Variants in PTGIR observed in about 807,000 individuals in gnomAD.
PTGIR encodes prostaglandin I2 receptor.
PTGIR carries 16 observed loss-of-function variants against 17.6 expected under a neutral mutation model. That is an observed-to-expected ratio of 0.91 (90% CI 0.61 to 1.38). The LOEUF is 1.38. PTGIR is among the 40% of genes most tolerant of loss of function. The pLI, the probability that PTGIR is intolerant of heterozygous loss-of-function variation, is 0.00. For missense variants in PTGIR, 532 were observed against 548.6 expected, an observed-to-expected ratio of 0.97 and a Z score of 0.30; for synonymous variants, 274 against 255.4, an observed-to-expected ratio of 1.07 and a Z score of -0.69.
At chr19:46,618,876 G>A (rs926702463), downstream of PTGIR, among the ~76,000 whole-genome samples, 7 of 152,152 alleles carry the variant, frequency 4.6e-5, no homozygotes, top group African/African-American at 1.7e-4. Context: ...CAGGGTGGGG[G>A]AAGTCAAAAC....
chr19:46,615,033 A>C, the PTGIR span, among the ~76,000 whole-genome samples: 3,967 of 151,672 alleles, frequency 0.026, 152 homozygotes, highest in African/African-American at 0.089. Flanking sequence ...CACCCCCCCA[A>C]AAAAAATTAG....
rs762855452 is a variant in PTGIR at position 46,623,709 on chromosome 19, G to A, written c.517C>T (p.Arg173Cys). The A allele has an allele frequency of 1.7e-5, 27 of 1,578,618 alleles. No individual in the cohort carries two copies. The highest frequency in any genetic ancestry group is 3.6e-5 in the Admixed American group (2 of 56,194). Residue 173 changes from arginine (R) to cysteine (C), a missense_variant, in exon 2 of 3, where the codon CGC (arginine) becomes TGC (cysteine). Arg to Cys is a radical substitution (Grantham distance 180). Coordinates refer to ENST00000291294, the MANE Select transcript of PTGIR (RefSeq NM_000960.4). ...QYCPGSWCFL[R>C]MRWAQPGGAA... ...CCGCCCGGCTGGGCCCAGCGCATGC[G>A]GAGGAAGCACCAGCTGCCGGGGCAG...
intron 2 of PTGIR, chr19:46,622,265 T>G (rs1382977101): frequency 1.2e-5 from 12 of 984,810 alleles, no homozygotes; most frequent in Non-Finnish European, 1.4e-5. Flanking sequence ...GAGGCAAGGG[T>G]GGGGCCTGCT....
At chr19:46,613,542 G>C in the PTGIR span, among the ~76,000 whole-genome samples, 2 of 151,996 alleles carry the variant, frequency 1.3e-5, no homozygotes, top group Non-Finnish European at 2.9e-5. Context: ...GTGTTGCCCA[G>C]GCTGGTCTCA....
the PTGIR span, among the ~76,000 whole-genome samples, chr19:46,614,026 G>A: frequency 2.6e-5 from 4 of 152,106 alleles, no homozygotes; most frequent in Non-Finnish European, 5.9e-5. Context: ...AAGACAAATA[G>A]ACCGCACTCA....
At chr19:46,619,539 AAG>A (rs1215263437), downstream of PTGIR, among the ~76,000 whole-genome samples, 2 of 65,492 alleles carry the variant, frequency 3.1e-5, no homozygotes, top group African/African-American at 1.2e-4. Context: ...GAAAGAAAGA[AAG>A]AAAGAAAGAG....
downstream of PTGIR, among the ~76,000 whole-genome samples, chr19:46,618,590 C>T (rs1971996566): frequency 1.3e-5 from 2 of 152,190 alleles, no homozygotes; most frequent in South Asian, 2.1e-4. Context: ...GGAATCACCT[C>T]GCCCTGCCTA....
downstream of PTGIR, chr19:46,620,400 C>T (rs1037565886): frequency 1.0e-6 from 1 of 981,960 alleles, no homozygotes; most frequent in Non-Finnish European, 1.2e-6. Flanking sequence ...TGGTGCCCAG[C>T]CAAGTATCTG....
chr19:46,620,873 C>T lies in PTGIR; in HGVS notation c.*407G>A, dbSNP rs1433006430. 3 of 992,234 alleles carry T rather than the reference C, an allele frequency of 3.0e-6. No individual in the cohort carries two copies. The highest frequency in any genetic ancestry group is 6.1e-5 in the Admixed American group (1 of 16,380). The allele number at this position is 992,234 out of a possible 1,614,324, so 61.5% of individuals were successfully genotyped here. A position where few individuals can be genotyped will look rare whatever the true frequency, so the allele number is the denominator to read the frequency against. On this transcript the variant is annotated 3_prime_UTR_variant, in exon 3 of 3. Coordinates refer to ENST00000291294, the MANE Select transcript of PTGIR (RefSeq NM_000960.4). ...GGCTTGGTAGAGGGGGAGGGCCATC[C>T]CCTGGGGACTTGGGGTGGGCAGTTG...
chr19:46,623,449 G>A lies in PTGIR; in HGVS notation c.768+9C>T. The A allele has an allele frequency of 6.5e-7, 1 of 1,534,266 alleles. No homozygotes were observed. Among genetic ancestry groups the A allele is most frequent in the Non-Finnish European group, 8.8e-7 (1 of 1,136,392 alleles). ...CTCCCCACTCCTCCCAGCTCCGGAG[G>A]GGACTCACCGTGAGAGGCAGGGAGC... On this transcript the variant is annotated intron_variant, in intron 2 of 2. Transcript: ENST00000291294.
chr19:46,621,369 C>T lies in PTGIR; in HGVS notation c.1072G>A (p.Glu358Lys), dbSNP rs558672384. 50 of 1,571,434 alleles carry T rather than the reference C, an allele frequency of 3.2e-5. No individual in the cohort carries two copies. The African/African-American group carries it at 5.5e-4, about 17-fold the overall frequency. ...GACTGCTGTGTGGGAGGCAAGGGCTCCACCTGCCCCTCGCCCCAAGCCGAC... is the reference window on the plus strand; with the variant it reads ...GACTGCTGTGTGGGAGGCAAGGGCTTCACCTGCCCCTCGCCCCAAGCCGAC... Reference protein sequence around the residue: ...PLSAWGEGQVEPLPPTQQSSG... With the variant: ...PLSAWGEGQVKPLPPTQQSSG... Residue 358 changes from glutamate (E) to lysine (K), a missense_variant, in exon 3 of 3, where the codon GAG becomes AAG. Coordinates refer to ENST00000291294, the MANE Select transcript of PTGIR (RefSeq NM_000960.4). The surrounding 1 kb of genome is among the most constrained non-coding windows in gnomAD (Gnocchi z 4.8).
At chr19:46,615,470 T>A (rs1233246222), downstream of PTGIR, among the ~76,000 whole-genome samples, 1 of 152,176 alleles carries the variant, frequency 6.6e-6, no homozygotes, top group Non-Finnish European at 1.5e-5. Flanking sequence ...TGTGCCCTCT[T>A]AGTACGGCTT....
intron 2 of PTGIR, chr19:46,622,044 G>A (rs1013993298): frequency 2.8e-5 from 28 of 985,310 alleles, no homozygotes; most frequent in Non-Finnish European, 3.1e-5. Flanking sequence ...ATCTGTCCAC[G>A]GCATCTGAGT....
chr19:46,617,431 G>C (rs375075535), downstream of PTGIR, among the ~76,000 whole-genome samples: 3 of 151,876 alleles, frequency 2.0e-5, no homozygotes, highest in African/African-American at 4.8e-5. Flanking sequence ...GGTCAGAGGT[G>C]GGGTGAGGGG....
the PTGIR span, among the ~76,000 whole-genome samples, chr19:46,613,304 CA>C: frequency 6.6e-6 from 1 of 151,684 alleles, no homozygotes; most frequent in African/African-American, 2.4e-5. Flanking sequence ...CTCAACCTCC[CA>C]AAGTGCTGGG....
Position 46,624,288 on chromosome 19 carries a change from CA to C in PTGIR, c.-12-52del, listed in dbSNP as rs772011262. The stretch of plus-strand genomic sequence containing the variant: ...CAGAGGGAGCCAGGGCTACCCCCAC[CA>C]CCCAGCCCACTCAGATGTCCCTGCT... On this transcript the variant is annotated intron_variant, in intron 1 of 2. Transcript: ENST00000291294. The C allele has an allele frequency of 8.9e-4, 1,244 of 1,399,412 alleles. 3 individuals carry two copies. Among genetic ancestry groups the C allele is most frequent in the Non-Finnish European group, 1.1e-3 (1,140 of 1,081,110 alleles). The allele number at this position is 1,399,412 out of a possible 1,614,324, so 86.7% of individuals were successfully genotyped here.
At chr19:46,615,208 A>G in the PTGIR span, among the ~76,000 whole-genome samples, 1 of 152,230 alleles carries the variant, frequency 6.6e-6, no homozygotes. Flanking sequence ...AAAAAAACAC[A>G]ATAAAATATA....
chr19:46,617,147 G>C (rs141131466), downstream of PTGIR, among the ~76,000 whole-genome samples: 1 of 151,890 alleles, frequency 6.6e-6, no homozygotes, highest in African/African-American at 2.4e-5. Context: ...CATCTGTTGC[G>C]GCCTCAGCCA....
intron 2 of PTGIR, 144 bp downstream of exon 2, chr19:46,623,314 C>A: frequency 9.6e-7 from 1 of 1,044,116 alleles, no homozygotes; most frequent in South Asian, 1.9e-5. Flanking sequence ...GGCCTTTCTA[C>A]ATGCTGGGAT....
Sources: gnomAD v4.1 joint callset for allele counts (sites outside exome capture counted in the v4.1 genomes callset) on GRCh38, gnomAD v4.1.1 for gene constraint, Gnocchi (gnomAD v3.1) non-coding constraint, MANE v1.5 for transcripts, NCBI Gene and HGNC (gene_info 2026-07-23, HGNC 2026-07-21) for gene names.